SIPA1L1: variants seen among roughly 807,000 people sequenced by gnomAD.
SIPA1L1 encodes signal-induced proliferation-associated 1-like protein 1.
In SIPA1L1, 26 loss-of-function variants were observed where a neutral mutation model predicts 162.7. The observed-to-expected ratio is 0.16, with a 90% CI of 0.12 to 0.22. SIPA1L1 has a LOEUF of 0.22. Ranked by LOEUF, SIPA1L1 falls within the 10% of genes least tolerant of loss-of-function variation. SIPA1L1 has a pLI of 1.00. For missense variants in SIPA1L1, 1,874 were observed against 2,241.0 expected (o/e 0.84, Z 3.31); for synonymous variants, 829 against 837.4 (o/e 0.99, Z 0.17).
chr14:71,564,583 G>A (rs546736262), intron 4 of SIPA1L1, among the ~76,000 whole-genome samples: 168 of 148,820 alleles, frequency 1.1e-3, no homozygotes, highest in African/African-American at 3.7e-3. Flanking sequence ...CCTCCCAGGG[G>A]TTCAGGCAAT....
intron 4 of SIPA1L1, among the ~76,000 whole-genome samples, chr14:71,564,735 C>T (rs1000661979): frequency 2.0e-5 from 3 of 152,012 alleles, no homozygotes; most frequent in South Asian, 2.1e-4. Context: ...GTGATCCGCC[C>T]GCCTTGGTCT....
chr14:71,401,746 A>G (rs1413934714), intron 2 of SIPA1L1, among the ~76,000 whole-genome samples: 1 of 152,122 alleles, frequency 6.6e-6, no homozygotes, highest in Non-Finnish European at 1.5e-5. Context: ...AACTTTTGGT[A>G]AGTTATATAT....
intron 4 of SIPA1L1, among the ~76,000 whole-genome samples, chr14:71,548,316 C>T (rs1187112819): frequency 1.3e-5 from 2 of 151,998 alleles, no homozygotes; most frequent in African/African-American, 2.4e-5. Context: ...CTGCTGTCAG[C>T]GTTTTATTTA....
At chr14:71,391,103 C>CTTTTTTTT (rs36003254) in intron 2 of SIPA1L1, among the ~76,000 whole-genome samples, 1 of 108,460 alleles carries the variant, frequency 9.2e-6, no homozygotes, top group Admixed American at 1.2e-4. Flanking sequence ...TATTCAGTAT[C>CTTTTTTTT]TTTTTTTTTT....
chr14:71,547,596 A>G (rs2055360427), intron 4 of SIPA1L1, among the ~76,000 whole-genome samples: 1 of 152,138 alleles, frequency 6.6e-6, no homozygotes, highest in Non-Finnish European at 1.5e-5. Context: ...GCCTGACCTC[A>G]AAATAGTTTT....
intron 2 of SIPA1L1, among the ~76,000 whole-genome samples, chr14:71,341,415 GGCTGTCATCAAGTCAGCA>G (rs2035639180): frequency 1.3e-5 from 2 of 152,080 alleles, no homozygotes; most frequent in South Asian, 4.1e-4. Flanking sequence ...AAAATTATCG[GGCTGTCATCAAGTCAGCA>G]TCTGCTTTGT....
intron 2 of SIPA1L1, among the ~76,000 whole-genome samples, chr14:71,331,595 C>T (rs1304380718): frequency 1.3e-5 from 2 of 152,170 alleles, no homozygotes; most frequent in Non-Finnish European, 2.9e-5. Flanking sequence ...TGAATTATCA[C>T]AACAGTCAGA....
At chr14:71,545,170 C>CTT (rs1254994662) in intron 4 of SIPA1L1, among the ~76,000 whole-genome samples, 1 of 152,070 alleles carries the variant, frequency 6.6e-6, no homozygotes, top group Non-Finnish European at 1.5e-5. Flanking sequence ...TCATTCTTGC[C>CTT]TTTTAATTGC....
intron 2 of SIPA1L1, among the ~76,000 whole-genome samples, chr14:71,419,539 G>A (rs1211910630): frequency 1.1e-4 from 15 of 136,430 alleles, no homozygotes; most frequent in Non-Finnish European, 2.0e-4. Context: ...CGCCCAGGCC[G>A]GACTGCGGAC....
chr14:71,684,222 A>G (rs986748506), intron 12 of SIPA1L1, among the ~76,000 whole-genome samples: 7 of 152,240 alleles, frequency 4.6e-5, no homozygotes, highest in African/African-American at 9.6e-5. Flanking sequence ...TCCAACAACA[A>G]AAACTCTACT....
chr14:71,550,096 A>G (rs1445856075), intron 4 of SIPA1L1, among the ~76,000 whole-genome samples: 1 of 152,078 alleles, frequency 6.6e-6, no homozygotes, highest in Non-Finnish European at 1.5e-5. Flanking sequence ...AAAATTTTCA[A>G]AAAAATTAGC....
chr14:71,342,146 G>T (rs987508840), intron 2 of SIPA1L1, among the ~76,000 whole-genome samples: 2 of 152,046 alleles, frequency 1.3e-5, no homozygotes, highest in African/African-American at 4.8e-5. Context: ...TAGAACTGTT[G>T]TTGTGCCCCA....
At chr14:71,438,300 A>G (rs976587103) in intron 2 of SIPA1L1, among the ~76,000 whole-genome samples, 3 of 152,078 alleles carry the variant, frequency 2.0e-5, no homozygotes, top group African/African-American at 4.8e-5. Context: ...GAAAATCACC[A>G]TAATGAGCCT....
intron 2 of SIPA1L1, among the ~76,000 whole-genome samples, chr14:71,323,279 A>G (rs1271906250): frequency 3.3e-5 from 5 of 152,142 alleles, no homozygotes; most frequent in African/African-American, 4.8e-5. Flanking sequence ...TATATGTTCT[A>G]TCTTAAGTTG....
intron 2 of SIPA1L1, among the ~76,000 whole-genome samples, chr14:71,323,631 C>CT (rs545512090): frequency 4.7e-5 from 7 of 150,074 alleles, no homozygotes; most frequent in East Asian, 3.9e-4. Flanking sequence ...ATAGAGCACA[C>CT]TTTTTTTTTT....
intron 18 of SIPA1L1, 138 bp from the exon 19 acceptor site, chr14:71,724,532 T>C (rs2084047888): frequency 4.8e-6 from 3 of 619,358 alleles, no homozygotes; most frequent in Admixed American, 3.6e-5. Context: ...GATTCGCATA[T>C]AAACAGAAGT....
intron 17 of SIPA1L1, among the ~76,000 whole-genome samples, chr14:71,712,398 T>C (rs1029048263): frequency 1.3e-5 from 2 of 152,208 alleles, no homozygotes; most frequent in Non-Finnish European, 2.9e-5. Flanking sequence ...CGTCTATTAA[T>C]TGCTCTAAAT....
At chr14:71,726,640 C>T (rs1037358577) in intron 19 of SIPA1L1, among the ~76,000 whole-genome samples, 1 of 152,186 alleles carries the variant, frequency 6.6e-6, no homozygotes, top group African/African-American at 2.4e-5. Flanking sequence ...TATGTTGTGA[C>T]TGTATTACTG....
At chr14:71,407,695 A>G (rs186484073) in intron 2 of SIPA1L1, among the ~76,000 whole-genome samples, 16 of 152,188 alleles carry the variant, frequency 1.1e-4, no homozygotes, top group Admixed American at 7.9e-4. Context: ...TGTAGAGACA[A>G]GGTTTTGCCA....
Sources: gnomAD v4.1 joint callset for allele counts (sites outside exome capture counted in the v4.1 genomes callset) on GRCh38, gnomAD v4.1.1 for gene constraint, MANE v1.5 for transcripts, NCBI Gene and HGNC (gene_info 2026-07-23, HGNC 2026-07-21) for gene names.